NINL: variants seen among roughly 807,000 people sequenced by gnomAD.
NINL encodes ninein like, also known as ninein-like protein.
In NINL, 153 loss-of-function variants were observed where a neutral mutation model predicts 160.3. The observed-to-expected ratio is 0.95, with a 90% confidence interval of 0.84 to 1.09. The LOEUF (loss-of-function observed/expected upper bound fraction) is 1.09, where lower values mean the gene tolerates loss of function less well. Ranked by LOEUF, NINL falls within the 50% of genes least tolerant of loss-of-function variation. The probability of loss-of-function intolerance (pLI) is 0.00; values close to 1 mark genes in which losing one functional copy is unlikely to be tolerated. For synonymous variants in NINL, 800 were observed against 734.8 expected, an observed-to-expected ratio of 1.09 and a Z score of -1.43; for missense variants, 1,829 against 1,764.0, an observed-to-expected ratio of 1.04 and a Z score of -0.66.
chr20:25,478,834 A>G (rs1156394672), intron 16 of NINL, 89 bp downstream of exon 16: 7 of 1,435,810 alleles, frequency 4.9e-6, no homozygotes, highest in Middle Eastern at 2.6e-4. Flanking sequence ...GAGGCACAGC[A>G]ATTCTGAGTT....
intron 1 of NINL, among the ~76,000 whole-genome samples, chr20:25,546,595 C>T (rs1284947079): frequency 2.0e-5 from 3 of 152,046 alleles, no homozygotes; most frequent in Non-Finnish European, 4.4e-5. Flanking sequence ...ATGTAAATCA[C>T]AGGCCAAAGG....
chr20:25,475,222 C>A (rs1444641289), intron 17 of NINL, among the ~76,000 whole-genome samples: 1 of 151,762 alleles, frequency 6.6e-6, no homozygotes, highest in African/African-American at 2.4e-5. Flanking sequence ...GCACTCCAGC[C>A]TGGGCCACAC....
At chr20:25,509,697 T>C (rs1250484944) in intron 5 of NINL, 5 of 456,666 alleles carry the variant, frequency 1.1e-5, no homozygotes, top group South Asian at 7.7e-5. Flanking sequence ...TTCTTCACTC[T>C]TGCAGGCATC....
intron 22 of NINL, among the ~76,000 whole-genome samples, chr20:25,456,839 G>A (rs1450915406): frequency 1.3e-5 from 2 of 151,938 alleles, no homozygotes; most frequent in Non-Finnish European, 2.9e-5. Context: ...GGCTGAGGCA[G>A]GAGAATTGCT....
Position 25,453,351 on chromosome 20 carries a change from G to A in NINL, c.*100C>T. 9.7e-7 allele frequency: 1 copy of A among 1,030,318 alleles called. No individual in the cohort carries two copies. The highest frequency in any genetic ancestry group is 1.4e-6 in the Non-Finnish European group (1 of 702,022). 63.8% of individuals were successfully genotyped at this position (1,030,318 alleles called of 1,614,324 possible). A position where few individuals can be genotyped will look rare whatever the true frequency, so the allele number is the denominator to read the frequency against. ...GAACAAAGAATCCCAATCCTCAGAT[G>A]TCCCAGGACTCATGGCTCATGACCC... On this transcript the variant is annotated 3_prime_UTR_variant, in exon 24 of 24. Transcript: ENST00000278886.
chr20:25,506,737 T>C (rs1386658350), intron 5 of NINL, among the ~76,000 whole-genome samples: 3 of 152,190 alleles, frequency 2.0e-5, no homozygotes, highest in Non-Finnish European at 4.4e-5. Flanking sequence ...CCATGGACAC[T>C]GAAGGACGGC....
intron 1 of NINL, among the ~76,000 whole-genome samples, chr20:25,550,463 G>C (rs904486703): frequency 6.6e-6 from 1 of 152,090 alleles, no homozygotes; most frequent in Non-Finnish European, 1.5e-5. Flanking sequence ...CCAGGGGACC[G>C]GCGCTCCGCA....
chr20:25,455,518 A>C (rs1242310475), intron 23 of NINL, among the ~76,000 whole-genome samples, 155 bp downstream of exon 23: 4 of 152,206 alleles, frequency 2.6e-5, no homozygotes. Flanking sequence ...GAGGAAAATA[A>C]ATGAATGTGC....
intron 1 of NINL, among the ~76,000 whole-genome samples, chr20:25,556,684 A>G (rs1009464198): frequency 2.7e-4 from 41 of 151,264 alleles, no homozygotes; most frequent in African/African-American, 1.0e-3. Flanking sequence ...GTATATGCCT[A>G]TGATCCCAAC....
chr20:25,579,766 C>G (rs1350083611), intron 1 of NINL, among the ~76,000 whole-genome samples: 1 of 152,198 alleles, frequency 6.6e-6, no homozygotes. Flanking sequence ...CCACCTGCGT[C>G]CCTCAGGGCC....
At chr20:25,577,872 G>A (rs2065134297) in intron 1 of NINL, among the ~76,000 whole-genome samples, 1 of 146,536 alleles carries the variant, frequency 6.8e-6, no homozygotes, top group African/African-American at 2.5e-5. Flanking sequence ...CACTCTCGTT[G>A]CCCAGGCTGG....
chr20:25,551,198 T>A (rs143970963), intron 1 of NINL, among the ~76,000 whole-genome samples: 248 of 152,282 alleles, frequency 1.6e-3, no homozygotes, highest in African/African-American at 5.5e-3. Flanking sequence ...AGCACAGGGT[T>A]GAGGCTAGGG....
chr20:25,562,784 A>C (rs1327072974), intron 1 of NINL, among the ~76,000 whole-genome samples: 1 of 151,988 alleles, frequency 6.6e-6, no homozygotes, highest in African/African-American at 2.4e-5. Flanking sequence ...AAAAAAAAAA[A>C]CAAAAACAAA....
chr20:25,496,307 C>A (rs1405989344), intron 10 of NINL, among the ~76,000 whole-genome samples: 2 of 152,214 alleles, frequency 1.3e-5, no homozygotes, highest in Non-Finnish European at 2.9e-5. Context: ...AAAAGGAAAC[C>A]ATTGCCAGTC....
chr20:25,567,740 A>T (rs919809550), intron 1 of NINL, among the ~76,000 whole-genome samples: 2 of 152,206 alleles, frequency 1.3e-5, no homozygotes, highest in Non-Finnish European at 2.9e-5. Context: ...ATGCTATCAG[A>T]CCATAATAAA....
At chr20:25,508,056 G>A (rs1445494862) in intron 5 of NINL, among the ~76,000 whole-genome samples, 1 of 152,206 alleles carries the variant, frequency 6.6e-6, no homozygotes, top group Admixed American at 6.5e-5. Flanking sequence ...CGCTGCTCTA[G>A]ATCTAGACAT....
At chr20:25,568,424 T>A (rs889883332) in intron 1 of NINL, among the ~76,000 whole-genome samples, 1 of 151,590 alleles carries the variant, frequency 6.6e-6, no homozygotes, top group Non-Finnish European at 1.5e-5. Flanking sequence ...TTTTTTTTTT[T>A]AAAGACAGAC....
intron 18 of NINL, among the ~76,000 whole-genome samples, chr20:25,469,036 C>G (rs2063011392): frequency 6.8e-6 from 1 of 146,618 alleles, no homozygotes; most frequent in African/African-American, 2.6e-5. Flanking sequence ...GGTGGGTGCC[C>G]CACTGCCCTG....
chr20:25,510,548 C>A, intron 5 of NINL, 126 bp downstream of exon 5: 1 of 854,740 alleles, frequency 1.2e-6, no homozygotes, highest in South Asian at 1.3e-5. Flanking sequence ...CAGCGGGACA[C>A]AACCCACCCC....
Sources: gnomAD v4.1 joint callset for allele counts (sites outside exome capture counted in the v4.1 genomes callset) on GRCh38, gnomAD v4.1.1 for gene constraint, MANE v1.5 for transcripts, NCBI Gene and HGNC (gene_info 2026-07-23, HGNC 2026-07-21) for gene names.